Variants in DNAH8 observed in about 807,000 individuals in gnomAD.
The protein encoded by DNAH8 is dynein axonemal heavy chain 8, also known as axonemal beta dynein heavy chain 8.
In DNAH8, 382 loss-of-function variants were observed where a neutral mutation model predicts 562.1. That is an observed-to-expected ratio of 0.68 (90% CI 0.63 to 0.74). The LOEUF is 0.74. Among genes scored for constraint, DNAH8 ranks in the 30% least tolerant of loss-of-function variants. The pLI is 0.00. For missense variants in DNAH8, 5,203 were observed against 5,620.4 expected (o/e 0.93, Z 2.37); for synonymous variants, 1,881 against 1,919.4 (o/e 0.98, Z 0.52).
At chr6:38,867,235 G>GTA (rs1366635446) in intron 47 of DNAH8, among the ~76,000 whole-genome samples, 1 of 151,234 alleles carries the variant, frequency 6.6e-6, no homozygotes, top group Non-Finnish European at 1.5e-5. Context: ...GTGTATATGT[G>GTA]TGTGTGTGTG....
intron 22 of DNAH8, 36 bp downstream of exon 22, chr6:38,803,347 T>C: frequency 1.3e-6 from 2 of 1,556,090 alleles, no homozygotes; most frequent in Non-Finnish European, 1.8e-6. Flanking sequence ...AATTACAAGA[T>C]CTACAGATTC....
intron 86 of DNAH8, 118 bp from the exon 87 acceptor site, chr6:38,984,088 A>G: frequency 1.7e-6 from 1 of 595,648 alleles, no homozygotes; most frequent in Non-Finnish European, 3.0e-6. Flanking sequence ...GAATAATTTT[A>G]AATGTGAGTC....
intron 47 of DNAH8, 73 bp from the exon 48 acceptor site, chr6:38,867,989 G>A (rs1230457916): frequency 2.6e-5 from 39 of 1,477,010 alleles, no homozygotes; most frequent in Non-Finnish European, 3.5e-5. Context: ...CGACCTATAT[G>A]CATAGAGTGA....
At chr6:38,851,252 G>A (rs1684948284) in intron 38 of DNAH8, among the ~76,000 whole-genome samples, 1 of 152,088 alleles carries the variant, frequency 6.6e-6, no homozygotes, top group African/African-American at 2.4e-5. Flanking sequence ...TTGGTTTGGA[G>A]ATACGGTTTG....
chr6:38,894,526 T>A (rs930812104), intron 58 of DNAH8, among the ~76,000 whole-genome samples, 175 bp from the exon 59 acceptor site: 4 of 152,200 alleles, frequency 2.6e-5, no homozygotes, highest in Non-Finnish European at 5.9e-5. Context: ...AAATCCTAAG[T>A]TGGTTTATTT....
chr6:38,878,800 A>T (rs1424122769), intron 53 of DNAH8, among the ~76,000 whole-genome samples: 1 of 152,216 alleles, frequency 6.6e-6, no homozygotes, highest in African/African-American at 2.4e-5. Context: ...TGCTGAATAT[A>T]GTTAATAACT....
rs189311095 is a variant in DNAH8 at position 38,755,509 on chromosome 6, G to C, written c.1408-463G>C. Among the ~76,000 whole-genome samples, 42 of 152,192 alleles carry C rather than the reference G, an allele frequency of 2.8e-4. No homozygotes were observed. The East Asian group carries it at 7.1e-3, about 26-fold the overall frequency. On this transcript the variant is annotated intron_variant, in intron 9 of 92. Transcript: ENST00000327475. ...GCACTTGGTAGGATTGCTAAAACAC[G>C]AACTGAGTTGCATAAAAGAAAATGA...
intron 57 of DNAH8, among the ~76,000 whole-genome samples, chr6:38,888,452 C>A (rs766476700): frequency 2.6e-5 from 4 of 151,810 alleles, no homozygotes; most frequent in Non-Finnish European, 5.9e-5. Flanking sequence ...GAGTGAAAAG[C>A]CTCAAAGTGG....
intron 3 of DNAH8, 122 bp from the exon 4 acceptor site, chr6:38,729,780 G>A: frequency 1.7e-6 from 1 of 604,634 alleles, no homozygotes; most frequent in Non-Finnish European, 2.9e-6. Flanking sequence ...AAATTAGTTT[G>A]GGTTCTAATC....
intron 92 of DNAH8, among the ~76,000 whole-genome samples, 196 bp from the exon 93 acceptor site, chr6:39,029,909 A>C (rs1767555058): frequency 6.6e-6 from 1 of 152,182 alleles, no homozygotes; most frequent in South Asian, 2.1e-4. Context: ...TACAGCACTC[A>C]TAGCCTCAAC....
chr6:38,823,019 C>G lies in DNAH8; in HGVS notation c.3705C>G (p.Arg1235=), dbSNP rs562018132. Residue 1235 remains arginine (R), a synonymous_variant, in exon 27 of 93, where the codon CGC becomes CGG. Coordinates refer to ENST00000327475, the MANE Select transcript of DNAH8 (RefSeq NM_001206927.2). The part of the protein sequence containing the change: ...QKYKTLWTED[R]DVKVKEFLAN... ...ACAAGACTCTCTGGACAGAGGACCG[C>G]GATGTGAAAGTGAAGGTGTCTTTCT... 1 of 1,574,618 alleles carries G rather than the reference C, an allele frequency of 6.4e-7. No individual in the cohort carries two copies. Among genetic ancestry groups the G allele is most frequent in the Admixed American group, 2.1e-5 (1 of 48,774 alleles).
intron 1 of DNAH8, among the ~76,000 whole-genome samples, chr6:38,715,946 A>ATTT (rs1200800954): frequency 6.1e-5 from 1 of 16,518 alleles, no homozygotes; most frequent in African/African-American, 2.8e-4. Context: ...ATATATATAT[A>ATTT]TATATATATA....
intron 89 of DNAH8, among the ~76,000 whole-genome samples, chr6:39,011,847 G>A (rs758620272): frequency 1.1e-4 from 16 of 151,980 alleles, no homozygotes; most frequent in South Asian, 2.1e-4. Flanking sequence ...ACATAATGAA[G>A]AAAAAAATTC....
At chr6:38,717,029 TC>T (rs1762394411) in intron 1 of DNAH8, among the ~76,000 whole-genome samples, 1 of 152,192 alleles carries the variant, frequency 6.6e-6, no homozygotes, top group South Asian at 2.1e-4. Flanking sequence ...AGATCCCATC[TC>T]TACAGAAAAA....
At chr6:38,999,765 GAGAT>G (rs548403748) in intron 88 of DNAH8, among the ~76,000 whole-genome samples, 10 of 150,904 alleles carry the variant, frequency 6.6e-5, no homozygotes, top group African/African-American at 2.0e-4. Context: ...GACTCAAGAA[GAGAT>G]AGATAGAAAG....
intron 85 of DNAH8, among the ~76,000 whole-genome samples, chr6:38,981,927 T>C (rs562500961): frequency 1.6e-4 from 25 of 152,368 alleles, no homozygotes; most frequent in African/African-American, 5.5e-4. Flanking sequence ...GTGGTGGTCC[T>C]GTAAGAGTAT....
intron 88 of DNAH8, among the ~76,000 whole-genome samples, chr6:38,990,423 C>T (rs1446191408): frequency 6.6e-6 from 1 of 152,198 alleles, no homozygotes; most frequent in African/African-American, 2.4e-5. Flanking sequence ...TATTTCTTCT[C>T]TGTCATGTCA....
At chr6:38,735,611 C>T (rs963081706) in intron 5 of DNAH8, among the ~76,000 whole-genome samples, 14 of 152,148 alleles carry the variant, frequency 9.2e-5, no homozygotes, top group Non-Finnish European at 2.1e-4. Context: ...CTTTCTTCAA[C>T]TTATCCATGA....
chr6:38,771,748 T>C (rs138523431), intron 12 of DNAH8, among the ~76,000 whole-genome samples: 18 of 151,194 alleles, frequency 1.2e-4, no homozygotes, highest in African/African-American at 3.4e-4. Context: ...TGAAGAATAT[T>C]CCATTGTACG....
Sources: gnomAD v4.1 joint callset for allele counts (sites outside exome capture counted in the v4.1 genomes callset) on GRCh38, gnomAD v4.1.1 for gene constraint, MANE v1.5 for transcripts, NCBI Gene and HGNC (gene_info 2026-07-23, HGNC 2026-07-21) for gene names.